XPO4: variants seen among roughly 807,000 people sequenced by gnomAD.
XPO4 encodes exportin 4.
XPO4 carries 39 observed loss-of-function variants against 143.0 expected under a neutral mutation model. The ratio of observed to expected loss-of-function variants is 0.27; its 90% CI spans 0.21 to 0.36. XPO4 has a LOEUF of 0.36. Ranked by LOEUF, XPO4 falls within the 10% of genes least tolerant of loss-of-function variation. XPO4 has a pLI of 1.00. For synonymous variants in XPO4, 439 were observed against 474.0 expected, an observed-to-expected ratio of 0.93 and a Z score of 0.96; for missense variants, 907 against 1,348.0, an observed-to-expected ratio of 0.67 and a Z score of 5.12.
chr13:20,792,000 G>T (rs1478415913), intron 18 of XPO4, among the ~76,000 whole-genome samples: 2 of 152,186 alleles, frequency 1.3e-5, no homozygotes, highest in Non-Finnish European at 2.9e-5. Flanking sequence ...GCCTGCTCTG[G>T]AGCAGAAGGC....
chr13:20,900,331 C>A (rs1377473868), intron 1 of XPO4, among the ~76,000 whole-genome samples: 1 of 151,860 alleles, frequency 6.6e-6, no homozygotes, highest in Non-Finnish European at 1.5e-5. Flanking sequence ...TGGCAGTGAG[C>A]CAAGATCGTG....
At chr13:20,892,896 A>AT (rs915483145) in intron 1 of XPO4, among the ~76,000 whole-genome samples, 4 of 151,744 alleles carry the variant, frequency 2.6e-5, no homozygotes, top group Non-Finnish European at 5.9e-5. Flanking sequence ...AAATAAAAAA[A>AT]AAAAAATAAA....
chr13:20,777,688 G>A lies in XPO4; in HGVS notation c.*6034C>T, dbSNP rs1412938498. ...GCAGAAATGAACATTATCAAAACAA[G>A]AACAAAACTGCTCACTACTGTGGGA... On this transcript the variant is annotated 3_prime_UTR_variant, in exon 23 of 23. Coordinates refer to ENST00000255305, the MANE Select transcript of XPO4 (RefSeq NM_022459.5). 1 of 152,154 alleles carries A rather than the reference G, an allele frequency of 6.6e-6. No individual in the cohort carries two copies. The highest frequency in any genetic ancestry group is 2.4e-5 in the African/African-American group (1 of 41,448). The allele number at this position is 152,154 out of a possible 1,614,324, so 9.4% of individuals were successfully genotyped here.
At chr13:20,865,592 A>C in intron 2 of XPO4, 1 of 966,850 alleles carries the variant, frequency 1.0e-6, no homozygotes, top group Non-Finnish European at 1.2e-6. Flanking sequence ...ATTCATTTGA[A>C]TTTTGTCAGC....
intron 4 of XPO4, chr13:20,849,625 G>T (rs893564475): frequency 7.1e-6 from 7 of 984,986 alleles, no homozygotes; most frequent in Middle Eastern, 5.2e-4. Context: ...CATCATAACT[G>T]CCCACAAGCT....
chr13:20,799,188 T>C lies in XPO4; in HGVS notation c.2299A>G (p.Thr767Ala). 1 of 1,608,878 alleles carries C rather than the reference T, an allele frequency of 6.2e-7. No homozygotes were observed. The highest frequency in any genetic ancestry group is 2.2e-5 in the East Asian group (1 of 44,786). Residue 767 changes from threonine (T) to alanine (A), a missense_variant, in exon 16 of 23, where the codon ACC becomes GCC. By Grantham distance (58) the Thr-to-Ala change is moderately conservative. Coordinates refer to ENST00000255305, the MANE Select transcript of XPO4 (RefSeq NM_022459.5). ...ACCTCTGTCCAATACTGCTGTTTGG[T>C]TTCTGTGTCCATATGTGCAAAACCT... ...LGGFAHMDTE[T>A]KQQYWTEVLQ...
Position 20,799,359 on chromosome 13 carries a change from A to G in XPO4, c.2148-20T>C. 6.2e-7 allele frequency: 1 copy of G among 1,607,518 alleles called. No individual in the cohort carries two copies. ...TTTGCCCTACAGGTAGAAATAACAA[A>G]ACATAAGATGTATTACTATGTATAT... On this transcript the variant is annotated intron_variant, in intron 15 of 22. Transcript: ENST00000255305.
chr13:20,882,975 ACAC>A (rs939938004), intron 1 of XPO4, among the ~76,000 whole-genome samples: 10 of 151,560 alleles, frequency 6.6e-5, no homozygotes, highest in African/African-American at 2.4e-4. Flanking sequence ...TGACCTCTAG[ACAC>A]CACATGACTC....
chr13:20,885,310 T>A (rs534125737), intron 1 of XPO4, among the ~76,000 whole-genome samples: 96 of 152,286 alleles, frequency 6.3e-4, no homozygotes, highest in Admixed American at 2.0e-3. Flanking sequence ...AATATACATA[T>A]TATCTTTGGA....
At chr13:20,855,846 G>A in intron 3 of XPO4, 81 bp from the exon 4 acceptor site, 1 of 1,376,600 alleles carries the variant, frequency 7.3e-7, no homozygotes, top group Non-Finnish European at 9.8e-7. Flanking sequence ...TATGCCTGAA[G>A]CTACTAATAA....
At chr13:20,822,428 T>C (rs1191004043) in intron 7 of XPO4, 139 bp from the exon 8 acceptor site, 1 of 749,432 alleles carries the variant, frequency 1.3e-6, no homozygotes, top group Non-Finnish European at 2.0e-6. Context: ...TTAAACTAAA[T>C]TGAAAATTGT....
chr13:20,845,505 T>C (rs1432049030), intron 4 of XPO4, among the ~76,000 whole-genome samples: 3 of 152,180 alleles, frequency 2.0e-5, no homozygotes, highest in African/African-American at 7.2e-5. Context: ...TAACTGCCTT[T>C]GTATGGCCCC....
rs373560502 is a variant in XPO4, at chr13:20,808,527, T to C, written c.1548A>G (p.Gln516=). The C allele has an allele frequency of 4.4e-6, 7 of 1,574,402 alleles. No homozygotes were observed. The African/African-American group carries it at 9.4e-5, about 21-fold the overall frequency. The change falls in exon 12 of 23, where the codon CAA becomes CAG. Residue 516 remains glutamine (Q), a synonymous_variant. Coordinates refer to ENST00000255305, the MANE Select transcript of XPO4 (RefSeq NM_022459.5). ...TTGAACCCGGTGAAGCAAGTAACTG[T>C]TGCTGATGTCGTTGTAACTGACCAT... ...RLHGQLQRHQ[Q]QLLASPGSST... is the part of the protein sequence containing the mutation.
intron 2 of XPO4, among the ~76,000 whole-genome samples, chr13:20,866,728 C>T (rs1343493456): frequency 1.3e-5 from 2 of 152,292 alleles, no homozygotes; most frequent in Non-Finnish European, 2.9e-5. Flanking sequence ...CAATACTACT[C>T]TTTAGAAAAT....
chr13:20,789,751 C>A (rs920113700), intron 19 of XPO4, among the ~76,000 whole-genome samples: 1 of 151,918 alleles, frequency 6.6e-6, no homozygotes, highest in Non-Finnish European at 1.5e-5. Flanking sequence ...GTCTTTATCT[C>A]GTGTGTGTGT....
chr13:20,848,146 T>A, intron 4 of XPO4: 1 of 714,756 alleles, frequency 1.4e-6, no homozygotes, highest in Non-Finnish European at 1.7e-6. Context: ...TGCTGGCAAT[T>A]TGACTGCCAC....
chr13:20,882,671 T>TGG (rs1227601470), intron 1 of XPO4, among the ~76,000 whole-genome samples: 1 of 152,086 alleles, frequency 6.6e-6, no homozygotes, highest in African/African-American at 2.4e-5. Context: ...GTGGGTCACC[T>TGG]GGGGTCAGGA....
chr13:20,811,604 A>G (rs2137903697), intron 9 of XPO4, among the ~76,000 whole-genome samples: 1 of 152,178 alleles, frequency 6.6e-6, no homozygotes, highest in East Asian at 1.9e-4. Flanking sequence ...AATTCTTTAA[A>G]GGAAAATCAG....
chr13:20,839,512 A>G (rs959937168), intron 6 of XPO4, among the ~76,000 whole-genome samples: 2 of 152,176 alleles, frequency 1.3e-5, no homozygotes, highest in African/African-American at 2.4e-5. Context: ...AAATGGGTAT[A>G]TAGTATAGTG....
Sources: gnomAD v4.1 joint callset for allele counts (sites outside exome capture counted in the v4.1 genomes callset) on GRCh38, gnomAD v4.1.1 for gene constraint, MANE v1.5 for transcripts, NCBI Gene and HGNC (gene_info 2026-07-23, HGNC 2026-07-21) for gene names.